DST: variants seen among roughly 807,000 people sequenced by gnomAD.
DST encodes bullous pemphigoid antigen.
In DST, 253 loss-of-function variants were observed where a neutral mutation model predicts 875.2. That is an observed-to-expected ratio of 0.29 (90% confidence interval 0.26 to 0.32). DST has a LOEUF of 0.32. Ranked by LOEUF, DST falls within the 10% of genes least tolerant of loss-of-function variation. The probability of loss-of-function intolerance (pLI) is 1.00; values close to 1 mark genes in which losing one functional copy is unlikely to be tolerated. For missense variants in DST, 8,287 were observed against 9,111.6 expected, an observed-to-expected ratio of 0.91 and a Z score of 3.68; for synonymous variants, 3,124 against 3,197.1, an observed-to-expected ratio of 0.98 and a Z score of 0.77.
At chr6:56,808,189 A>T (rs2099755430) in intron 4 of DST, among the ~76,000 whole-genome samples, 1 of 151,784 alleles carries the variant, frequency 6.6e-6, no homozygotes, top group East Asian at 1.9e-4. Flanking sequence ...TGGCCCACCT[A>T]CCCAAGCCCT....
intron 49 of DST, among the ~76,000 whole-genome samples, chr6:56,585,169 G>C (rs1392603019): frequency 6.6e-6 from 1 of 151,010 alleles, no homozygotes; most frequent in African/African-American, 2.4e-5. Context: ...AGAAGGAATG[G>C]TACCAGTTCC....
At chr6:56,692,974 CCTTCATTTT>C (rs1385738583) in intron 9 of DST, 1 of 1,289,770 alleles carries the variant, frequency 7.8e-7, no homozygotes, top group East Asian at 5.6e-5. Flanking sequence ...CTTCTTCTTG[CCTTCATTTT>C]CATTGTTTGC....
chr6:56,756,016 G>A (rs2099601883), intron 4 of DST, among the ~76,000 whole-genome samples: 1 of 152,234 alleles, frequency 6.6e-6, no homozygotes, highest in Non-Finnish European at 1.5e-5. Context: ...TAGCTAAAAG[G>A]AGGATATGAT....
At chr6:56,639,194 A>C in intron 22 of DST, 65 bp downstream of exon 22, 1 of 1,363,126 alleles carries the variant, frequency 7.3e-7, no homozygotes, top group South Asian at 1.2e-5. Flanking sequence ...CTCAGCAATA[A>C]AAGAATCTGA....
chr6:56,671,875 T>C (rs1312034074), intron 9 of DST, among the ~76,000 whole-genome samples: 2 of 152,242 alleles, frequency 1.3e-5, no homozygotes, highest in Non-Finnish European at 2.9e-5. Flanking sequence ...GACAGGCTTC[T>C]AGACCTGGTT....
At chr6:56,598,322 G>C (rs1009031300) in intron 46 of DST, among the ~76,000 whole-genome samples, 154 bp downstream of exon 46, 1 of 152,176 alleles carries the variant, frequency 6.6e-6, no homozygotes, top group African/African-American at 2.4e-5. Flanking sequence ...CAAACCTTTT[G>C]TAGTACTTGG....
intron 33 of DST, 57 bp downstream of exon 33, chr6:56,627,942 G>T: frequency 6.7e-7 from 1 of 1,486,332 alleles, no homozygotes; most frequent in South Asian, 1.1e-5. Context: ...GGAAGATGAG[G>T]AGCATGACTG....
intron 31 of DST, among the ~76,000 whole-genome samples, chr6:56,630,036 G>A (rs1462083161): frequency 1.3e-5 from 2 of 152,126 alleles, no homozygotes; most frequent in African/African-American, 4.8e-5. Flanking sequence ...AAAAGCTACT[G>A]TCAAAAGGGT....
At chr6:56,913,624 C>T (rs1799660104) in intron 2 of DST, among the ~76,000 whole-genome samples, 1 of 152,214 alleles carries the variant, frequency 6.6e-6, no homozygotes, top group African/African-American at 2.4e-5. Flanking sequence ...ATGTGGCCAA[C>T]CCCTGCTCTA....
At position 56,487,122 on chromosome 6, in the gene DST, C is replaced by T; in HGVS notation, c.21029G>A (p.Cys7010Tyr). Residue 7010 changes from cysteine (C) to tyrosine (Y), a missense_variant, in exon 87 of 104, where the codon TGT (cysteine) becomes TAT (tyrosine). Coordinates refer to ENST00000680361, the MANE Select transcript of DST (RefSeq NM_001374736.1). ...SELRDKWDTI[C>Y]GKSVERQNKL... ...ATTTTACCTTTCCACAGATTTTCCA[C>T]ATATGGTATCCCATTTGTCTCTGAG... The T allele has an allele frequency of 6.2e-7, 1 of 1,613,920 alleles. No individual in the cohort carries two copies. Among genetic ancestry groups the T allele is most frequent in the Non-Finnish European group, 8.5e-7 (1 of 1,179,850 alleles).
At position 56,843,593 on chromosome 6, in the gene DST, G is replaced by A. The variant is rs1458761190; in HGVS notation, c.625+7804C>T. On this transcript the variant is annotated intron_variant, in intron 4 of 103. Coordinates refer to ENST00000680361, the MANE Select transcript of DST (RefSeq NM_001374736.1). ...CGGGCCGGGCCGAGGCCGCGGCAGC[G>A]GTGCGGGAGGACCGGCGCGCTGCCT... 3.0e-6 allele frequency: 3 copies of A among 983,962 alleles called. No individual in the cohort carries two copies. The African/African-American group carries it at 5.3e-5, about 17-fold the overall frequency. 61.0% of individuals were successfully genotyped at this position (983,962 alleles called of 1,614,324 possible). A position where few individuals can be genotyped will look rare whatever the true frequency, so the allele number is the denominator to read the frequency against.
chr6:56,894,579 G>GA (rs1789903895), intron 3 of DST, among the ~76,000 whole-genome samples: 1 of 52,320 alleles, frequency 1.9e-5, no homozygotes, highest in Non-Finnish European at 3.5e-5. Flanking sequence ...CCGGGCAGAG[G>GA]GGTCCTCACT....
At chr6:56,475,199 T>A (rs75535434) in intron 92 of DST, among the ~76,000 whole-genome samples, 1 of 151,982 alleles carries the variant, frequency 6.6e-6, no homozygotes, top group Admixed American at 6.6e-5. Context: ...ATTTGGAATA[T>A]GCAGCAAAGG....
intron 2 of DST, 111 bp downstream of exon 2, chr6:56,953,674 G>A: frequency 9.5e-6 from 7 of 737,156 alleles, no homozygotes; most frequent in Non-Finnish European, 1.4e-5. Context: ...CTAGGGGACA[G>A]CATGTTCGTC....
chr6:56,768,144 C>T (rs780262169), intron 4 of DST, among the ~76,000 whole-genome samples: 3 of 152,104 alleles, frequency 2.0e-5, no homozygotes, highest in Non-Finnish European at 4.4e-5. Context: ...AAAAAGGTAA[C>T]CATTGTGTAC....
At chr6:56,472,387 G>A (rs2094941142) in intron 93 of DST, among the ~76,000 whole-genome samples, 165 bp from the exon 94 acceptor site, 3 of 152,122 alleles carry the variant, frequency 2.0e-5, no homozygotes, top group Non-Finnish European at 2.9e-5. Flanking sequence ...GCCCAAATCT[G>A]TTTTCCTTAT....
At chr6:56,579,248 C>G (rs887988529) in intron 49 of DST, among the ~76,000 whole-genome samples, 1 of 152,112 alleles carries the variant, frequency 6.6e-6, no homozygotes, top group Non-Finnish European at 1.5e-5. Flanking sequence ...ACCCCTACTT[C>G]TAGGCTTTGT....
At chr6:56,947,094 C>T (rs185508446) in intron 2 of DST, among the ~76,000 whole-genome samples, 3 of 152,180 alleles carry the variant, frequency 2.0e-5, no homozygotes, top group Admixed American at 6.5e-5. Context: ...AACTCAGCCT[C>T]GGGGTCACCA....
chr6:56,730,947 T>G (rs914742963), intron 5 of DST, among the ~76,000 whole-genome samples: 1 of 152,190 alleles, frequency 6.6e-6, no homozygotes, highest in Non-Finnish European at 1.5e-5. Flanking sequence ...AAATACAAGT[T>G]TTAATTAATT....
Sources: allele counts gnomAD v4.1 joint callset (sites outside exome capture counted in the v4.1 genomes callset), GRCh38; gene constraint gnomAD v4.1.1; transcripts MANE v1.5; gene names NCBI Gene and HGNC (gene_info 2026-07-23, HGNC 2026-07-21).